The following MKLN1 variants were observed in gnomAD, a reference collection of about 807,000 sequenced individuals.
MKLN1 encodes the protein muskelin.
In MKLN1, 18 loss-of-function variants were observed where a neutral mutation model predicts 99.0. That is an observed-to-expected ratio of 0.18 (90% confidence interval 0.13 to 0.27). The LOEUF is 0.27. Ranked by LOEUF, MKLN1 falls within the 10% of genes least tolerant of loss-of-function variation. MKLN1 has a pLI of 1.00. For missense variants in MKLN1, 621 were observed against 875.9 expected (o/e 0.71, Z 3.67); for synonymous variants, 288 against 293.2 (o/e 0.98, Z 0.18).
chr7:131,290,307 A>G (rs1331251539), intron 3 of MKLN1, among the ~76,000 whole-genome samples: 3 of 152,228 alleles, frequency 2.0e-5, no homozygotes, highest in Non-Finnish European at 4.4e-5. Flanking sequence ...ATTCCGTCTC[A>G]AACAGTAAAT....
intron 2 of MKLN1, among the ~76,000 whole-genome samples, chr7:131,147,460 G>C (rs1177081386): frequency 6.6e-6 from 1 of 152,138 alleles, no homozygotes; most frequent in Non-Finnish European, 1.5e-5. Context: ...TACAGAAGAT[G>C]AAATAGAGTC....
At chr7:131,318,256 C>T (rs545817459) in intron 3 of MKLN1, among the ~76,000 whole-genome samples, 209 of 152,280 alleles carry the variant, frequency 1.4e-3, no homozygotes, top group Middle Eastern at 3.4e-3. Context: ...TCATAACAGT[C>T]TCTCAGACCA....
chr7:131,248,300 A>G (rs977533339), intron 3 of MKLN1, among the ~76,000 whole-genome samples: 8 of 152,150 alleles, frequency 5.3e-5, no homozygotes, highest in African/African-American at 1.7e-4. Context: ...GTTTTTTAAT[A>G]GAGTCAAAGG....
At chr7:131,144,264 G>A (rs553715396) in intron 2 of MKLN1, among the ~76,000 whole-genome samples, 32 of 151,858 alleles carry the variant, frequency 2.1e-4, no homozygotes, top group Non-Finnish European at 4.3e-4. Context: ...TGAGGCGGGC[G>A]GATCATGAGG....
intron 3 of MKLN1, among the ~76,000 whole-genome samples, chr7:131,322,725 C>A (rs890091556): frequency 2.0e-4 from 31 of 151,664 alleles, no homozygotes; most frequent in African/African-American, 5.8e-4. Flanking sequence ...CGCCCGCCAC[C>A]GCGCCCGGCT....
chr7:131,291,293 G>A (rs937830771), intron 3 of MKLN1, among the ~76,000 whole-genome samples: 3 of 151,276 alleles, frequency 2.0e-5, no homozygotes, highest in Admixed American at 1.3e-4. Context: ...ACCACACCCG[G>A]CTAATTTTTG....
chr7:131,212,745 G>A (rs1796924148), intron 3 of MKLN1, among the ~76,000 whole-genome samples: 2 of 152,054 alleles, frequency 1.3e-5, no homozygotes, highest in Admixed American at 6.6e-5. Context: ...CCAACATGGA[G>A]AAACCCCATC....
At chr7:131,191,324 A>G (rs1330110628) in intron 2 of MKLN1, among the ~76,000 whole-genome samples, 7 of 152,190 alleles carry the variant, frequency 4.6e-5, no homozygotes, top group African/African-American at 1.4e-4. Context: ...CTAGAAATCA[A>G]TGCCTTTCCA....
intron 3 of MKLN1, among the ~76,000 whole-genome samples, chr7:131,262,634 T>C (rs1412396571): frequency 6.6e-6 from 1 of 151,656 alleles, no homozygotes; most frequent in Non-Finnish European, 1.5e-5. Context: ...CACTGCAACC[T>C]CCACCTCCTG....
At chr7:131,196,242 C>T (rs973018623) in intron 2 of MKLN1, among the ~76,000 whole-genome samples, 2 of 152,130 alleles carry the variant, frequency 1.3e-5, no homozygotes, top group South Asian at 2.1e-4. Context: ...TCCATTCCTC[C>T]TCTCAAATCC....
intron 1 of MKLN1, among the ~76,000 whole-genome samples, chr7:131,112,316 A>C (rs2116841331): frequency 6.6e-6 from 1 of 152,356 alleles, no homozygotes; most frequent in Non-Finnish European, 1.5e-5. Flanking sequence ...CACTACATAA[A>C]AATTTCAATT....
intron 2 of MKLN1, among the ~76,000 whole-genome samples, chr7:131,170,802 T>A (rs1007961947): frequency 6.6e-6 from 1 of 152,204 alleles, no homozygotes. Flanking sequence ...AAACCCACCA[T>A]GTACAACAGA....
intron 2 of MKLN1, among the ~76,000 whole-genome samples, chr7:131,377,315 G>T (rs1014340650): frequency 2.0e-5 from 3 of 152,156 alleles, no homozygotes; most frequent in Admixed American, 6.5e-5. Flanking sequence ...GGAAGTTGCT[G>T]TTGGATCATG....
rs1181541972 is a variant in MKLN1 at position 131,192,221 on chromosome 7, A to AAT, written c.-296-10630_-296-10629dup. Reference sequence around the variant, plus strand: ...ATATATACAATATATAAATATATAAAATATATACAATATATAAATATATAA... The same window carrying AAT: ...ATATATACAATATATAAATATATAAAATATATATACAATATATAAATATATAA... On this transcript the variant is annotated intron_variant, in intron 2 of 7. Coordinates refer to the MKLN1 transcript ENST00000416992. 1.0e-3 allele frequency among the ~76,000 whole-genome samples: 40 copies of AAT among 39,316 alleles called. 5 individuals are homozygous for AAT. Among genetic ancestry groups the AAT allele is most frequent in the African/African-American group, 3.3e-3 (23 of 6,990 alleles). The allele number at this position is 39,316 out of a possible 152,430, so 25.8% of individuals were successfully genotyped here.
At chr7:131,476,945 G>C (rs1005872645) in intron 16 of MKLN1, among the ~76,000 whole-genome samples, 4 of 152,208 alleles carry the variant, frequency 2.6e-5, no homozygotes, top group African/African-American at 9.6e-5. Context: ...TATGTGGTCA[G>C]TTGTTTTTTG....
rs193003132 is a variant in MKLN1, at chr7:131,253,063, C to G, written c.-179+50089C>G. On this transcript the variant is annotated intron_variant, in intron 3 of 7. Transcript: ENST00000416992. ...TACAGACCCAGTCCCAATGAAACAA[C>G]CATACTGGTGAAAATTATTTTTAAG... Among the ~76,000 whole-genome samples the G allele has an allele frequency of 2.0e-5, 3 of 152,242 alleles. No homozygotes were observed. The East Asian group carries it at 5.8e-4, about 29-fold the overall frequency.
chr7:131,244,419 T>C (rs1241666298), intron 3 of MKLN1, among the ~76,000 whole-genome samples: 2 of 152,128 alleles, frequency 1.3e-5, no homozygotes, highest in Non-Finnish European at 2.9e-5. Flanking sequence ...TCCTCTGAAG[T>C]CTGGCCCCCA....
intron 2 of MKLN1, among the ~76,000 whole-genome samples, chr7:131,151,423 G>GA (rs1205644872): frequency 2.6e-5 from 4 of 151,700 alleles, no homozygotes; most frequent in South Asian, 2.1e-4. Context: ...GTAAAAAGGA[G>GA]AAAAAAAATG....
intron 1 of MKLN1, among the ~76,000 whole-genome samples, chr7:131,118,627 T>C (rs1474736836): frequency 6.6e-6 from 1 of 151,962 alleles, no homozygotes; most frequent in Non-Finnish European, 1.5e-5. Flanking sequence ...TAGGTTTAAT[T>C]GGCTCATGGT....
Sources: gnomAD v4.1 joint callset for allele counts (sites outside exome capture counted in the v4.1 genomes callset) on GRCh38, gnomAD v4.1.1 for gene constraint, MANE v1.5 for transcripts, NCBI Gene and HGNC (gene_info 2026-07-23, HGNC 2026-07-21) for gene names.